THSD7A: variants seen among roughly 807,000 people sequenced by gnomAD.
THSD7A encodes the protein thrombospondin type 1 domain containing 7A.
Under a neutral mutation model 231.3 loss-of-function variants are expected in THSD7A, and 96 were observed. The ratio of observed to expected loss-of-function variants is 0.41; its 90% CI spans 0.35 to 0.49. THSD7A has a LOEUF of 0.49. Ranked by LOEUF, THSD7A falls within the 20% of genes least tolerant of loss-of-function variation. The pLI is 0.05. For synonymous variants in THSD7A, 940 were observed against 743.3 expected (o/e 1.26, Z -4.30); for missense variants, 2,290 against 2,070.2 (o/e 1.11, Z -2.06).
At chr7:11,740,422 C>T (rs747321084) in intron 1 of THSD7A, among the ~76,000 whole-genome samples, 18 of 151,994 alleles carry the variant, frequency 1.2e-4, no homozygotes, top group South Asian at 6.2e-4. Flanking sequence ...AGCTCCCTTA[C>T]ATCTGTAACA....
chr7:11,696,098 AAC>A (rs1327154005), intron 1 of THSD7A, among the ~76,000 whole-genome samples: 1 of 151,472 alleles, frequency 6.6e-6, no homozygotes. Context: ...TAGGCTAAGA[AAC>A]ACAGTAAAAC....
chr7:11,690,912 A>C (rs1471475261), intron 1 of THSD7A, among the ~76,000 whole-genome samples: 1 of 151,748 alleles, frequency 6.6e-6, no homozygotes, highest in Non-Finnish European at 1.5e-5. Context: ...CATAGGTGTT[A>C]ATGGTAAATT....
intron 16 of THSD7A, 89 bp downstream of exon 16, chr7:11,424,607 T>C (rs1307311655): frequency 2.1e-5 from 32 of 1,542,178 alleles, no homozygotes; most frequent in Non-Finnish European, 2.6e-5. Context: ...TCCAGAAGAC[T>C]GGGGAGGAGT....
At chr7:11,518,023 T>C (rs991570626) in intron 6 of THSD7A, among the ~76,000 whole-genome samples, 8 of 152,176 alleles carry the variant, frequency 5.3e-5, no homozygotes, top group Non-Finnish European at 1.2e-4. Flanking sequence ...CAGAAGGACC[T>C]GGATACAAAG....
At chr7:11,546,226 A>ACACACACACACACACACACACACG (rs1562706299) in intron 4 of THSD7A, among the ~76,000 whole-genome samples, 3 of 150,662 alleles carry the variant, frequency 2.0e-5, no homozygotes, top group Non-Finnish European at 4.4e-5. Context: ...ACACACACAC[A>ACACACACACACACACACACACACG]CACACGTGGA....
chr7:11,454,914 G>C (rs1214749094), intron 11 of THSD7A, among the ~76,000 whole-genome samples: 2 of 151,900 alleles, frequency 1.3e-5, no homozygotes, highest in African/African-American at 2.4e-5. Flanking sequence ...AAGATGATAG[G>C]AATTTTATTT....
At chr7:11,800,900 C>T (rs1784255802) in intron 1 of THSD7A, among the ~76,000 whole-genome samples, 1 of 151,918 alleles carries the variant, frequency 6.6e-6, no homozygotes, top group Non-Finnish European at 1.5e-5. Context: ...CACACACATA[C>T]ACACACACAC....
intron 14 of THSD7A, 104 bp downstream of exon 14, chr7:11,428,843 A>AT: frequency 1.4e-6 from 2 of 1,385,514 alleles, no homozygotes; most frequent in African/African-American, 1.5e-5. Flanking sequence ...AAATGGGTCA[A>AT]TTTTTTATTC....
intron 1 of THSD7A, among the ~76,000 whole-genome samples, chr7:11,726,936 A>C (rs1781567446): frequency 6.6e-6 from 1 of 151,892 alleles, no homozygotes; most frequent in Admixed American, 6.6e-5. Context: ...TGAAAACCAG[A>C]GGTTTGGCAC....
At chr7:11,598,975 T>G (rs956811451) in intron 2 of THSD7A, among the ~76,000 whole-genome samples, 1 of 152,154 alleles carries the variant, frequency 6.6e-6, no homozygotes, top group Admixed American at 6.5e-5. Flanking sequence ...GTTACAGTGT[T>G]GGCTGGGGTG....
At chr7:11,391,397 G>A (rs538509047) in intron 23 of THSD7A, among the ~76,000 whole-genome samples, 83 of 152,316 alleles carry the variant, frequency 5.4e-4, no homozygotes, top group African/African-American at 1.9e-3. Flanking sequence ...TATTTACACT[G>A]TGAAGGTAAA....
At chr7:11,450,163 T>A (rs1049910131) in intron 11 of THSD7A, among the ~76,000 whole-genome samples, 1 of 152,008 alleles carries the variant, frequency 6.6e-6, no homozygotes, top group Non-Finnish European at 1.5e-5. Context: ...TATCCTGTTA[T>A]GTGACACCAA....
At chr7:11,382,737 T>C in intron 23 of THSD7A, 121 bp from the exon 24 acceptor site, 1 of 807,816 alleles carries the variant, frequency 1.2e-6, no homozygotes, top group South Asian at 1.7e-5. Context: ...GATTCAAATG[T>C]CAATTTATTG....
intron 1 of THSD7A, among the ~76,000 whole-genome samples, chr7:11,703,366 G>A (rs1300018650): frequency 6.6e-6 from 1 of 151,162 alleles, no homozygotes; most frequent in Non-Finnish European, 1.5e-5. Context: ...TTTGCAGTTT[G>A]GGAATCTGAG....
chr7:11,536,933 A>G (rs546930042), intron 6 of THSD7A, among the ~76,000 whole-genome samples: 1 of 152,294 alleles, frequency 6.6e-6, no homozygotes, highest in East Asian at 1.9e-4. Context: ...GTCTGAAAAA[A>G]AATTCAGTAT....
intron 11 of THSD7A, among the ~76,000 whole-genome samples, chr7:11,455,893 T>TG (rs1481588892): frequency 6.6e-6 from 1 of 152,052 alleles, no homozygotes; most frequent in African/African-American, 2.4e-5. Flanking sequence ...TCATCACAGA[T>TG]AGTTCCTCCA....
At chr7:11,407,231 G>C (rs1783616123) in intron 20 of THSD7A, 75 bp downstream of exon 20, 1 of 1,436,814 alleles carries the variant, frequency 7.0e-7, no homozygotes, top group Admixed American at 2.0e-5. Context: ...TATTTGATAT[G>C]GGTTAAAGCA....
intron 11 of THSD7A, among the ~76,000 whole-genome samples, chr7:11,459,476 G>C (rs181250387): frequency 2.4e-4 from 36 of 152,058 alleles, no homozygotes; most frequent in African/African-American, 8.4e-4. Context: ...ATATACTTAA[G>C]TCTCTATAAC....
chr7:11,539,532 G>A (rs1056080931), intron 6 of THSD7A, among the ~76,000 whole-genome samples: 1 of 152,112 alleles, frequency 6.6e-6, no homozygotes, highest in African/African-American at 2.4e-5. Context: ...TGCTTTTTAG[G>A]TTATAACATA....
Sources: gnomAD v4.1 joint callset for allele counts (sites outside exome capture counted in the v4.1 genomes callset) on GRCh38, gnomAD v4.1.1 for gene constraint, MANE v1.5 for transcripts, NCBI Gene and HGNC (gene_info 2026-07-23, HGNC 2026-07-21) for gene names.